The following PAPLN variants were observed in gnomAD, a reference collection of about 807,000 sequenced individuals.
PAPLN encodes the protein papilin, proteoglycan like sulfated glycoprotein.
Under a neutral mutation model 159.0 loss-of-function variants are expected in PAPLN, and 146 were observed. The ratio of observed to expected loss-of-function variants is 0.92; its 90% CI spans 0.80 to 1.05. The LOEUF (loss-of-function observed/expected upper bound fraction) is 1.05, where lower values mean the gene tolerates loss of function less well. PAPLN is among the 50% of genes least tolerant of loss of function. The pLI is 0.00. For synonymous variants in PAPLN, 734 were observed against 702.9 expected, an observed-to-expected ratio of 1.04 and a Z score of -0.70; for missense variants, 1,720 against 1,743.9, an observed-to-expected ratio of 0.99 and a Z score of 0.24.
intron 5 of PAPLN, among the ~76,000 whole-genome samples, chr14:73,248,075 CTGTG>C (rs71112722): frequency 0.018 from 809 of 45,562 alleles, 21 homozygotes; most frequent in Admixed American, 0.039. Flanking sequence ...CTCATATCCT[CTGTG>C]TGTGTGTGTG....
chr14:73,257,202 G>A (rs1452246372), intron 14 of PAPLN, among the ~76,000 whole-genome samples: 2 of 152,092 alleles, frequency 1.3e-5, no homozygotes, highest in Non-Finnish European at 2.9e-5. Context: ...CATCTCCTGG[G>A]CTCAGGCAAT....
intron 17 of PAPLN, 93 bp from the exon 18 acceptor site, chr14:73,261,063 C>T (rs1886520647): frequency 6.3e-7 from 1 of 1,598,332 alleles, no homozygotes; most frequent in African/African-American, 1.3e-5. Flanking sequence ...GGGTTCTGGC[C>T]CCTCCTTCCT....
rs761420876 is a variant in PAPLN, at chr14:73,263,645, G to T, written c.2724G>T (p.Arg908Ser). 2.0e-5 allele frequency: 32 copies of T among 1,613,626 alleles called. No individual in the cohort carries two copies. Among genetic ancestry groups the T allele is most frequent in the Non-Finnish European group, 2.5e-5 (30 of 1,179,996 alleles). ...PAPPFHSSSY[R>S]ISLAGVEPSL... ...CAGATCTCACTTCCCACCTCTCCAG[G>T]ATTAGCTTGGCAGGTGTGGAGCCCT... The change falls in exon 20 of 27, where the codon AGG becomes AGT. Residue 908 changes from arginine to serine, a missense_variant and splice_region_variant. By Grantham distance (110) the Arg-to-Ser change is moderately radical. Coordinates refer to ENST00000644200, the MANE Select transcript of PAPLN (RefSeq NM_001365906.3).
chr14:73,253,173 G>C (rs1885494717), intron 11 of PAPLN: 1 of 1,365,242 alleles, frequency 7.3e-7, no homozygotes, highest in Non-Finnish European at 9.7e-7. Context: ...CCTCTTACCT[G>C]CACCGGCCTG....
Position 73,252,700 on chromosome 14 carries a change from ACCACATGTGCCAGCGCCAG to A in PAPLN, c.1024_1042del (p.Met342GlyfsTer124). On this transcript the variant is annotated frameshift_variant, in exon 11 of 27. Coordinates refer to ENST00000644200, the MANE Select transcript of PAPLN (RefSeq NM_001365906.3). LOFTEE classifies it high-confidence loss of function. ...ACCATCGACCATGAGGCCTACCCCG[ACCACATGTGCCAGCGCCAG>A]CCACGGCCAGCTGACCGGCGTTCCT... 6.2e-7 allele frequency: 1 copy of A among 1,613,418 alleles called. No individual in the cohort carries two copies. Among genetic ancestry groups the A allele is most frequent in the Non-Finnish European group, 8.5e-7 (1 of 1,179,962 alleles).
In PAPLN at chr14:73,261,274, G is replaced by T. The variant is rs1425273049; in HGVS notation, c.2225G>T (p.Cys742Phe). The T allele has an allele frequency of 1.2e-6, 2 of 1,613,578 alleles. No homozygotes were observed. Among genetic ancestry groups the T allele is most frequent in the African/African-American group, 1.3e-5 (1 of 74,882 alleles). ...GCAGCCGGTCCTCTTGGGGAAGGCT[G>T]TGTGGGCCAGCCCAGCCATGGTGAG... ...ATAAGPLGEG[C>F]VGQPSHAYPV... is the part of the protein sequence containing the mutation. Residue 742 changes from cysteine to phenylalanine, a missense_variant, in exon 18 of 27, where the codon TGT becomes TTT. By Grantham distance (205) the Cys-to-Phe change is radical. Coordinates refer to ENST00000644200, the MANE Select transcript of PAPLN (RefSeq NM_001365906.3).
In PAPLN at chr14:73,265,049, G is replaced by A. The variant is rs1887076365; in HGVS notation, c.3126-321G>A. Among the ~76,000 whole-genome samples the A allele has an allele frequency of 6.6e-6, 1 of 152,164 alleles. No homozygotes were observed. The highest frequency in any genetic ancestry group is 2.4e-5 in the African/African-American group (1 of 41,432). ...ATGGTTCAGTTTACAGAGGGGGTGT[G>A]GAGGACCGGAGGGGGTGCCCAACTC... On this transcript the variant is annotated intron_variant, in intron 22 of 26. Coordinates refer to ENST00000644200, the MANE Select transcript of PAPLN (RefSeq NM_001365906.3). The surrounding 1 kb of genome is among the most constrained non-coding windows in gnomAD (Gnocchi z 4.1).
At chr14:73,248,110 C>CGCGT (rs1555361154) in intron 5 of PAPLN, among the ~76,000 whole-genome samples, 1 of 31,092 alleles carries the variant, frequency 3.2e-5, no homozygotes, top group Non-Finnish European at 5.3e-5. Context: ...TGTGTGTGCG[C>CGCGT]GTGTGTGTGT....
chr14:73,242,050 G>A (rs1445191116), intron 2 of PAPLN, among the ~76,000 whole-genome samples: 1 of 152,224 alleles, frequency 6.6e-6, no homozygotes, highest in African/African-American at 2.4e-5. Flanking sequence ...ACGCCATGTC[G>A]GGCAGTTCAC....
Position 73,259,358 on chromosome 14 carries a change from G to GGC in PAPLN, c.1799_1800dup (p.Thr601AlafsTer202), listed in dbSNP as rs1469874927. 6.2e-7 allele frequency: 1 copy of GGC among 1,612,166 alleles called. No homozygotes were observed. Among genetic ancestry groups the GGC allele is most frequent in the Non-Finnish European group, 8.5e-7 (1 of 1,179,106 alleles). The stretch of plus-strand genomic sequence containing the variant: ...ACGAGGTGACCCCAGGGGCGACCAA[G>GGC]GCACCCACCTGTCAGCCCTGGGCCC... On this transcript the variant is annotated frameshift_variant, in exon 16 of 27. Coordinates refer to ENST00000644200, the MANE Select transcript of PAPLN (RefSeq NM_001365906.3). LOFTEE classifies it high-confidence loss of function.
intron 2 of PAPLN, chr14:73,243,022 T>C (rs909959979): frequency 6.6e-6 from 1 of 152,258 alleles, no homozygotes; most frequent in Admixed American, 6.5e-5. Flanking sequence ...AGATGGAGTC[T>C]CACTCTGTCG....
intron 14 of PAPLN, among the ~76,000 whole-genome samples, chr14:73,255,417 CAGTT>C (rs1228127038): frequency 6.6e-6 from 1 of 152,222 alleles, no homozygotes; most frequent in Admixed American, 6.5e-5. Context: ...TTACCTGACA[CAGTT>C]AGGTACTCAG....
chr14:73,248,169 C>G (rs1423020462), intron 5 of PAPLN, among the ~76,000 whole-genome samples: 9 of 101,640 alleles, frequency 8.9e-5, no homozygotes, highest in South Asian at 3.2e-4. Context: ...CTCATATCCT[C>G]TGTGTGTGTG....
rs370575328 is a variant in PAPLN, at chr14:73,264,340, C to G, written c.2986+5C>G. On this transcript the variant is annotated splice_donor_5th_base_variant and intron_variant, in intron 21 of 26. Transcript: ENST00000644200. ...AGATCCAACTTCGCATCATAGGTCT[C>G]TGTCCCCACCCCATCCACCAGTGCG... 2.4e-4 allele frequency: 390 copies of G among 1,611,932 alleles called. No individual in the cohort carries two copies. The highest frequency in any genetic ancestry group is 3.1e-4 in the Non-Finnish European group (364 of 1,178,890).
Position 73,264,616 on chromosome 14 carries a change from T to C in PAPLN, c.3015T>C (p.Ala1005=), listed in dbSNP as rs774667456. The part of the protein sequence containing the change: ...IGGDMAVLSE[A]ELSRFPQPRD... ...GTGACATGGCCGTGCTGTCTGAGGCTGAGCTGAGCCGCTTCCCTCAGCCCA... is the reference window on the plus strand; with the variant it reads ...GTGACATGGCCGTGCTGTCTGAGGCCGAGCTGAGCCGCTTCCCTCAGCCCA... Residue 1005 remains alanine (A), a synonymous_variant, in exon 22 of 27, where the codon GCT becomes GCC. Coordinates refer to ENST00000644200, the MANE Select transcript of PAPLN (RefSeq NM_001365906.3). 1 of 1,603,912 alleles carries C rather than the reference T, an allele frequency of 6.2e-7. No homozygotes were observed. The highest frequency in any genetic ancestry group is 1.1e-5 in the South Asian group (1 of 89,590).
At chr14:73,270,729 T>C (rs929918065) in intron 26 of PAPLN, among the ~76,000 whole-genome samples, 1 of 152,176 alleles carries the variant, frequency 6.6e-6, no homozygotes, top group Non-Finnish European at 1.5e-5. Flanking sequence ...AATGAGAAAC[T>C]TGCCTGATAC....
intron 19 of PAPLN, 97 bp from the exon 20 acceptor site, chr14:73,263,548 A>C: frequency 6.6e-7 from 1 of 1,516,110 alleles, no homozygotes; most frequent in Non-Finnish European, 9.0e-7. Context: ...CTGTGACAGG[A>C]TGGGCCCCAA....
chr14:73,240,438 T>A (rs891501849), intron 2 of PAPLN, among the ~76,000 whole-genome samples: 4 of 152,124 alleles, frequency 2.6e-5, no homozygotes, highest in East Asian at 1.9e-4. Flanking sequence ...ATTTTTAAAA[T>A]TTTTAAGTAT....
intron 17 of PAPLN, 131 bp from the exon 18 acceptor site, chr14:73,261,025 C>A: frequency 1.3e-6 from 2 of 1,492,782 alleles, no homozygotes; most frequent in Non-Finnish European, 1.8e-6. Context: ...ATCCAACATT[C>A]TCCTGGCCTC....
Sources: allele counts gnomAD v4.1 joint callset (sites outside exome capture counted in the v4.1 genomes callset), GRCh38; gene constraint gnomAD v4.1.1; non-coding constraint Gnocchi (gnomAD v3.1); transcripts MANE v1.5; gene names NCBI Gene and HGNC (gene_info 2026-07-23, HGNC 2026-07-21).